The following CX3CR1 variants were observed in gnomAD, a reference collection of about 807,000 sequenced individuals.
The protein encoded by CX3CR1 is CX3C chemokine receptor 1.
For synonymous variants in CX3CR1, 168 were observed against 178.5 expected, an observed-to-expected ratio of 0.94 and a Z score of 0.47; for missense variants, 363 against 432.4, an observed-to-expected ratio of 0.84 and a Z score of 1.42.
upstream of CX3CR1, among the ~76,000 whole-genome samples, chr3:39,285,265 C>T (rs1339687444): frequency 6.6e-6 from 1 of 151,370 alleles, no homozygotes; most frequent in Non-Finnish European, 1.5e-5. Context: ...ACCTGTAGTC[C>T]CAGCTATGGG....
the CX3CR1 span, among the ~76,000 whole-genome samples, chr3:39,292,509 AT>A: frequency 1.3e-5 from 2 of 152,154 alleles, no homozygotes; most frequent in Non-Finnish European, 2.9e-5. Context: ...TTTTTTAGGG[AT>A]GATTGTCTCC....
intron 1 of CX3CR1, among the ~76,000 whole-genome samples, chr3:39,271,050 C>CT (rs960714294): frequency 7.9e-5 from 12 of 152,008 alleles, no homozygotes; most frequent in African/African-American, 2.7e-4. Flanking sequence ...GGCCTCAGCA[C>CT]TTTTTTTTAA....
At chr3:39,269,065 G>A (rs1319519616) in intron 1 of CX3CR1, among the ~76,000 whole-genome samples, 2 of 151,950 alleles carry the variant, frequency 1.3e-5, no homozygotes, top group African/African-American at 4.8e-5. Flanking sequence ...TTTTGGGGGA[G>A]GTAAGCCACC....
rs752967506 is a variant in CX3CR1 at position 39,265,579 on chromosome 3, A to C, written c.931T>G (p.Cys311Gly). ...RRYLYHLYGK[C>G]LAVLCGRSVH... ...GAGCGCCCACACAGGACAGCCAGGC[A>C]TTTCCCATACAGGTGGTAAAGGTAT... The change falls in exon 2 of 2, where the codon TGC becomes GGC. Residue 311 changes from cysteine to glycine, a missense_variant. By Grantham distance (159) the Cys-to-Gly change is radical. Transcript: ENST00000399220. 5.0e-6 allele frequency: 8 copies of C among 1,614,196 alleles called. No individual in the cohort carries two copies. Among genetic ancestry groups the C allele is most frequent in the Non-Finnish European group, 5.9e-6 (7 of 1,180,034 alleles).
At chr3:39,274,287 G>T (rs2965064) in intron 1 of CX3CR1, among the ~76,000 whole-genome samples, 1 of 152,138 alleles carries the variant, frequency 6.6e-6, no homozygotes, top group East Asian at 1.9e-4. Context: ...AGCTAAGGCT[G>T]ATGGGGAGAG....
At chr3:39,271,821 C>T (rs897753942) in intron 1 of CX3CR1, among the ~76,000 whole-genome samples, 8 of 152,210 alleles carry the variant, frequency 5.3e-5, no homozygotes, top group Non-Finnish European at 7.3e-5. Context: ...TTTAGCAAGG[C>T]GCTTTTTAAG....
intron 1 of CX3CR1, among the ~76,000 whole-genome samples, chr3:39,267,636 T>C (rs1476031328): frequency 1.3e-5 from 2 of 152,148 alleles, no homozygotes; most frequent in African/African-American, 4.8e-5. Flanking sequence ...AGAGAAGGTG[T>C]TGCCATCATT....
At chr3:39,288,771 C>A in the CX3CR1 span, among the ~76,000 whole-genome samples, 13,065 of 152,246 alleles carry the variant, frequency 0.086, 746 homozygotes, top group Middle Eastern at 0.19. Flanking sequence ...CCCACAATTA[C>A]CTGGAATCCC....
chr3:39,285,318 G>A (rs1429303018), upstream of CX3CR1, among the ~76,000 whole-genome samples: 1 of 152,030 alleles, frequency 6.6e-6, no homozygotes, highest in East Asian at 1.9e-4. Context: ...ATTCAAGGGT[G>A]TAGTGAGCAG....
At chr3:39,286,904 T>C in the CX3CR1 span, 1 of 152,206 alleles carries the variant, frequency 6.6e-6, no homozygotes, top group South Asian at 2.1e-4. Flanking sequence ...GAAAGAAACA[T>C]CTGACCATCT....
the CX3CR1 span, among the ~76,000 whole-genome samples, chr3:39,290,942 AC>A: frequency 6.6e-6 from 1 of 152,026 alleles, no homozygotes; most frequent in Non-Finnish European, 1.5e-5. Context: ...ATAAACAACA[AC>A]AAAAAAATAA....
intron 1 of CX3CR1, among the ~76,000 whole-genome samples, chr3:39,272,686 A>C (rs1380047015): frequency 6.6e-6 from 1 of 152,156 alleles, no homozygotes; most frequent in Non-Finnish European, 1.5e-5. Flanking sequence ...AAAAGTGAAG[A>C]CTGGGTTTGA....
At chr3:39,267,795 T>C (rs1406415412) in intron 1 of CX3CR1, among the ~76,000 whole-genome samples, 1 of 152,190 alleles carries the variant, frequency 6.6e-6, no homozygotes, top group Admixed American at 6.5e-5. Context: ...ACTATTCTTA[T>C]CTCCTGTTTC....
upstream of CX3CR1, among the ~76,000 whole-genome samples, chr3:39,283,843 T>TATATAAA (rs1351970787): frequency 1.3e-5 from 1 of 74,134 alleles, no homozygotes; most frequent in African/African-American, 4.6e-5. Context: ...ATATATATAA[T>TATATAAA]GTGGTTAATA....
In CX3CR1 at chr3:39,266,501, C is replaced by T. The variant is rs771829100; in HGVS notation, c.9G>A (p.Gln3=). 6.2e-7 allele frequency: 1 copy of T among 1,613,774 alleles called. No homozygotes were observed. Among genetic ancestry groups the T allele is most frequent in the South Asian group, 1.1e-5 (1 of 91,072 alleles). The change falls in exon 2 of 2, where the codon CAG becomes CAA. Residue 3 remains glutamine, a synonymous_variant. Coordinates refer to ENST00000399220, the MANE Select transcript of CX3CR1 (RefSeq NM_001337.4). ...AGTTTTCTGTCACTGATTCAGGGAACTGATCCATGGTGAAGGCCTGGATCA... is the reference window on the plus strand; with the variant it reads ...AGTTTTCTGTCACTGATTCAGGGAATTGATCCATGGTGAAGGCCTGGATCA... MD[Q]FPESVTENFE...
At position 39,265,187 on chromosome 3, in the gene CX3CR1, T is replaced by C. The variant is rs554783542; in HGVS notation, c.*255A>G. The C allele has an allele frequency of 9.4e-6, 4 of 425,754 alleles. No homozygotes were observed. The East Asian group carries it at 1.1e-4, about 12-fold the overall frequency. The allele number at this position is 425,754 out of a possible 1,614,324, so 26.4% of individuals were successfully genotyped here. ...ACTAAACTAGTCTGAGTTGAATTTT[T>C]GTCATCTGCAAACCAAAAAGTTCTG... On this transcript the variant is annotated 3_prime_UTR_variant, in exon 2 of 2. Transcript: ENST00000399220.
chr3:39,272,267 A>G (rs2040786628), intron 1 of CX3CR1, among the ~76,000 whole-genome samples: 1 of 152,198 alleles, frequency 6.6e-6, no homozygotes. Context: ...AGTTAAGCCA[A>G]GGTTTTACTA....
chr3:39,268,542 C>T (rs1014169987), intron 1 of CX3CR1, among the ~76,000 whole-genome samples: 1 of 152,150 alleles, frequency 6.6e-6, no homozygotes, highest in Admixed American at 6.5e-5. Flanking sequence ...ATGTTAGGGA[C>T]CCTGGAGCTA....
At chr3:39,288,983 A>G in the CX3CR1 span, among the ~76,000 whole-genome samples, 2,588 of 152,114 alleles carry the variant, frequency 0.017, 67 homozygotes, top group African/African-American at 0.059. Flanking sequence ...TGACCAACAC[A>G]TCTCTACTAA....
Sources: gnomAD v4.1 joint callset for allele counts (sites outside exome capture counted in the v4.1 genomes callset) on GRCh38, gnomAD v4.1.1 for gene constraint, MANE v1.5 for transcripts, NCBI Gene and HGNC (gene_info 2026-07-23, HGNC 2026-07-21) for gene names.